KCNIP4: variants seen among roughly 807,000 people sequenced by gnomAD.
The protein encoded by KCNIP4 is potassium voltage-gated channel interacting protein 4, also known as Kv channel-interacting protein 4.
In KCNIP4, 12 loss-of-function variants were observed where a neutral mutation model predicts 34.0. That is an observed-to-expected ratio of 0.35 (90% CI 0.23 to 0.57). The LOEUF is 0.57. Ranked by LOEUF, KCNIP4 falls within the 20% of genes least tolerant of loss-of-function variation. The pLI is 0.83. For missense variants in KCNIP4, 238 were observed against 311.7 expected, an observed-to-expected ratio of 0.76 and a Z score of 1.78; for synonymous variants, 124 against 102.2, an observed-to-expected ratio of 1.21 and a Z score of -1.29.
chr4:21,942,722 A>C (rs1730269965), intron 1 of KCNIP4, among the ~76,000 whole-genome samples: 2 of 152,218 alleles, frequency 1.3e-5, no homozygotes, highest in Non-Finnish European at 2.9e-5. Context: ...TAATTCAATC[A>C]ATATGTTTAA....
intron 3 of KCNIP4, among the ~76,000 whole-genome samples, chr4:20,818,498 A>C (rs191429871): frequency 6.6e-6 from 1 of 152,290 alleles, no homozygotes; most frequent in East Asian, 1.9e-4. Context: ...AGATCTCATA[A>C]TAGTGCCATC....
intron 1 of KCNIP4, among the ~76,000 whole-genome samples, chr4:21,581,563 A>C (rs1409244771): frequency 6.6e-6 from 1 of 152,024 alleles, no homozygotes; most frequent in Non-Finnish European, 1.5e-5. Context: ...CTGCTCCTTC[A>C]TCTGTAAAAT....
Position 21,102,281 on chromosome 4 carries a change from C to T in KCNIP4, c.62-219572G>A, listed in dbSNP as rs116532456. On this transcript the variant is annotated intron_variant, in intron 1 of 8. Coordinates refer to ENST00000382152, the MANE Select transcript of KCNIP4 (RefSeq NM_025221.6). ...TTGGGTGACTGGTGATCAGTAGATG[C>T]TCAATAAATATTTGTCCAATAGAAG... Among the ~76,000 whole-genome samples, 656 of 152,214 alleles carry T rather than the reference C, an allele frequency of 4.3e-3. 7 individuals are homozygous for T. The highest frequency in any genetic ancestry group is 0.015 in the African/African-American group (621 of 41,526).
At chr4:20,950,885 T>A (rs1430676751) in intron 1 of KCNIP4, among the ~76,000 whole-genome samples, 1 of 152,064 alleles carries the variant, frequency 6.6e-6, no homozygotes, top group African/African-American at 2.4e-5. Context: ...CTTCCCCCAT[T>A]CTCCATTTTA....
chr4:21,417,357 G>A (rs1725043301), intron 1 of KCNIP4, among the ~76,000 whole-genome samples: 1 of 151,608 alleles, frequency 6.6e-6, no homozygotes, highest in Admixed American at 6.6e-5. Context: ...CCAGATAAGG[G>A]ACTTAGGTAA....
At chr4:21,836,067 G>C (rs537729494) in intron 1 of KCNIP4, among the ~76,000 whole-genome samples, 123 of 152,204 alleles carry the variant, frequency 8.1e-4, no homozygotes, top group African/African-American at 2.7e-3. Flanking sequence ...AACCTCTTTG[G>C]GTGGACTGGT....
chr4:21,431,602 A>G (rs531124547), intron 1 of KCNIP4, among the ~76,000 whole-genome samples: 8 of 152,236 alleles, frequency 5.3e-5, no homozygotes, highest in Non-Finnish European at 1.2e-4. Context: ...CCCAGAAATT[A>G]TCCAGATAAG....
rs925400414 is a variant in KCNIP4, at chr4:21,529,268, T to C, written c.61+419303A>G. ...CAAGACAGAATAGGAAGGGAAATGA[T>C]AATACAAACTGTGCAACTGCAGAAG... On this transcript the variant is annotated intron_variant, in intron 1 of 8. Transcript: ENST00000382152. 4.6e-5 allele frequency among the ~76,000 whole-genome samples: 7 copies of C among 152,206 alleles called. No homozygotes were observed. The South Asian group carries it at 1.5e-3, about 32-fold the overall frequency.
intron 1 of KCNIP4, among the ~76,000 whole-genome samples, chr4:21,093,125 C>T (rs1320921042): frequency 6.6e-6 from 1 of 152,166 alleles, no homozygotes; most frequent in African/African-American, 2.4e-5. Context: ...TGAGACCCTT[C>T]CTAATAAAAC....
intron 1 of KCNIP4, among the ~76,000 whole-genome samples, chr4:21,924,849 C>T (rs1244263946): frequency 2.0e-5 from 3 of 152,082 alleles, no homozygotes; most frequent in African/African-American, 7.2e-5. Context: ...ATCTACCACT[C>T]CTCCCTGGCC....
chr4:21,750,171 TA>T (rs1560685705), intron 1 of KCNIP4, among the ~76,000 whole-genome samples: 25 of 152,240 alleles, frequency 1.6e-4, no homozygotes, highest in African/African-American at 5.5e-4. Flanking sequence ...AATCACTTTG[TA>T]GCCACTGGTG....
At chr4:20,855,701 G>A (rs1213330959) in intron 2 of KCNIP4, among the ~76,000 whole-genome samples, 1 of 152,070 alleles carries the variant, frequency 6.6e-6, no homozygotes, top group Non-Finnish European at 1.5e-5. Flanking sequence ...AACACTTGGA[G>A]TGGCTATATT....
At chr4:20,843,684 C>A (rs190940202) in intron 3 of KCNIP4, among the ~76,000 whole-genome samples, 1 of 152,208 alleles carries the variant, frequency 6.6e-6, no homozygotes, top group East Asian at 1.9e-4. Flanking sequence ...GAGTGGAGAT[C>A]GCGCCACTGC....
chr4:21,373,211 T>A lies in KCNIP4; in HGVS notation c.62-490502A>T, dbSNP rs1720653635. On this transcript the variant is annotated intron_variant, in intron 1 of 8. Coordinates refer to ENST00000382152, the MANE Select transcript of KCNIP4 (RefSeq NM_025221.6). Reference sequence around the variant, plus strand: ...GGTGGTGTGCACTTGTAGTCCTAGCTACTTGGGAGGCTGAGGCAGGAGAAT... The same window carrying A: ...GGTGGTGTGCACTTGTAGTCCTAGCAACTTGGGAGGCTGAGGCAGGAGAAT... Among the ~76,000 whole-genome samples the A allele has an allele frequency of 1.4e-5, 2 of 146,870 alleles. 1 individual carries two copies. The highest frequency in any genetic ancestry group is 5.5e-5 in the African/African-American group (2 of 36,556).
intron 1 of KCNIP4, among the ~76,000 whole-genome samples, chr4:21,531,567 G>A (rs1736686299): frequency 6.6e-6 from 1 of 151,820 alleles, no homozygotes; most frequent in Admixed American, 6.6e-5. Flanking sequence ...AGTAGAGATG[G>A]GGTTTTGCCA....
At position 21,288,332 on chromosome 4, in the gene KCNIP4, T is replaced by C. The variant is rs139261529; in HGVS notation, c.62-405623A>G. On this transcript the variant is annotated intron_variant, in intron 1 of 8. Coordinates refer to ENST00000382152, the MANE Select transcript of KCNIP4 (RefSeq NM_025221.6). ...CATGCACAGATGTATGATTAGGCTA[T>C]AGGCAAAACTCATGCAAAACGTAAT... Among the ~76,000 whole-genome samples, 49 of 152,298 alleles carry C rather than the reference T, an allele frequency of 3.2e-4. No homozygotes were observed. In the East Asian group the frequency reaches 8.7e-3, roughly 27 times the overall value.
intron 1 of KCNIP4, among the ~76,000 whole-genome samples, chr4:21,424,673 C>T (rs766031597): frequency 1.3e-5 from 2 of 152,032 alleles, no homozygotes; most frequent in African/African-American, 4.8e-5. Context: ...AATATTCTTA[C>T]AAAATATAAG....
chr4:21,340,749 G>T (rs1716680808), intron 1 of KCNIP4, among the ~76,000 whole-genome samples: 1 of 152,030 alleles, frequency 6.6e-6, no homozygotes, highest in African/African-American at 2.4e-5. Context: ...CTGCAGTTTA[G>T]TGTGAGACTC....
chr4:21,876,813 T>A (rs1202242642), intron 1 of KCNIP4, among the ~76,000 whole-genome samples: 1 of 152,156 alleles, frequency 6.6e-6, no homozygotes, highest in East Asian at 1.9e-4. Context: ...ATTTATTTTA[T>A]ATACATGATA....
Sources: gnomAD v4.1 joint callset for allele counts (sites outside exome capture counted in the v4.1 genomes callset) on GRCh38, gnomAD v4.1.1 for gene constraint, MANE v1.5 for transcripts, NCBI Gene and HGNC (gene_info 2026-07-23, HGNC 2026-07-21) for gene names.